The following RBFOX1 variants were observed in gnomAD, a reference collection of about 807,000 sequenced individuals.
RBFOX1 encodes RNA binding protein fox-1 homolog 1.
A neutral mutation model predicts 57.7 loss-of-function variants in RBFOX1; 8 were observed. The ratio of observed to expected loss-of-function variants is 0.14; its 90% CI spans 0.08 to 0.25. The LOEUF is 0.25. RBFOX1 is among the 10% of genes least tolerant of loss of function. RBFOX1 has a pLI of 1.00. For missense variants in RBFOX1, 611 were observed against 548.5 expected (o/e 1.11, Z -1.14); for synonymous variants, 326 against 222.4 (o/e 1.47, Z -4.15).
intron 3 of RBFOX1, among the ~76,000 whole-genome samples, chr16:6,943,679 G>T (rs2078961534): frequency 6.7e-6 from 1 of 149,982 alleles, no homozygotes; most frequent in East Asian, 2.0e-4. Context: ...CTGCACTCCA[G>T]CCTGGGCGAG....
intron 13 of RBFOX1, among the ~76,000 whole-genome samples, chr16:7,667,943 C>T (rs1040722216): frequency 3.9e-5 from 6 of 152,078 alleles, no homozygotes; most frequent in African/African-American, 1.4e-4. Context: ...CAAAGTGCTA[C>T]GATTACAGAC....
chr16:6,094,518 G>A (rs887338156), intron 1 of RBFOX1, among the ~76,000 whole-genome samples: 3 of 152,166 alleles, frequency 2.0e-5, no homozygotes, highest in Non-Finnish European at 4.4e-5. Context: ...ACAGTAGCAA[G>A]CATTCCACTG....
chr16:6,569,994 G>C (rs753484185), intron 2 of RBFOX1, among the ~76,000 whole-genome samples: 6 of 152,152 alleles, frequency 3.9e-5, no homozygotes, highest in Non-Finnish European at 5.9e-5. Context: ...AAGTCGTTAG[G>C]AAACCCTTGC....
At chr16:6,106,440 T>C (rs960445991) in intron 1 of RBFOX1, among the ~76,000 whole-genome samples, 2 of 111,360 alleles carry the variant, frequency 1.8e-5, no homozygotes, top group Admixed American at 1.1e-4. Flanking sequence ...TACTCCAGCC[T>C]GGGCAAAAAG....
In RBFOX1 at chr16:7,024,017, A is replaced by AAT. The variant is rs1175409917; in HGVS notation, c.-15-28040_-15-28039insAT. ...CTTAGGTTTCTATATCCTCCTGATA[A>AAT]CCGTATGTTGAAAAAGGATTTAAGA... On this transcript the variant is annotated intron_variant, in intron 3 of 15. Coordinates refer to ENST00000550418, the MANE Select transcript of RBFOX1 (RefSeq NM_018723.4). Among the ~76,000 whole-genome samples, 915 of 152,258 alleles carry AAT rather than the reference A, an allele frequency of 6.0e-3. 10 individuals carry two copies. Among genetic ancestry groups the AAT allele is most frequent in the African/African-American group, 0.021 (877 of 41,558 alleles).
chr16:6,321,711 G>C (rs1299167857), intron 2 of RBFOX1, among the ~76,000 whole-genome samples: 27 of 152,322 alleles, frequency 1.8e-4, no homozygotes, highest in Non-Finnish European at 1.5e-4. Flanking sequence ...AGAATGAAGA[G>C]ATAGATAAAT....
intron 4 of RBFOX1, among the ~76,000 whole-genome samples, chr16:7,399,782 G>A (rs1052667432): frequency 1.3e-5 from 2 of 152,152 alleles, no homozygotes; most frequent in African/African-American, 4.8e-5. Context: ...TCCCAAATAA[G>A]GTCATAGTCA....
intron 4 of RBFOX1, among the ~76,000 whole-genome samples, chr16:5,907,046 G>A (rs1315397128): frequency 6.6e-6 from 1 of 152,032 alleles, no homozygotes; most frequent in Non-Finnish European, 1.5e-5. Flanking sequence ...CCATCTGGGG[G>A]ATTTTAAAAC....
chr16:5,272,729 C>T (rs8062296), intron 1 of RBFOX1, among the ~76,000 whole-genome samples: 81,723 of 151,970 alleles, frequency 0.54, 22,848 homozygotes, highest in African/African-American at 0.71. Context: ...CATTGACTTC[C>T]CTCCTTTGAG....
intron 5 of RBFOX1, among the ~76,000 whole-genome samples, chr16:7,566,403 A>C (rs10163371): frequency 0.15 from 23,178 of 152,104 alleles, 1,996 homozygotes; most frequent in South Asian, 0.25. Context: ...CAGCTGCTCT[A>C]CGTGCCTGCT....
intron 1 of RBFOX1, among the ~76,000 whole-genome samples, chr16:6,267,711 C>G (rs1052035183): frequency 3.9e-5 from 6 of 152,018 alleles, no homozygotes; most frequent in African/African-American, 1.4e-4. Flanking sequence ...GTTTTTTTCC[C>G]TTTTTCCCAT....
chr16:6,968,512 C>G (rs1050387006), intron 3 of RBFOX1, among the ~76,000 whole-genome samples: 1 of 152,122 alleles, frequency 6.6e-6, no homozygotes, highest in South Asian at 2.1e-4. Context: ...CTCCCATAGC[C>G]GTTTCCTGAG....
intron 2 of RBFOX1, among the ~76,000 whole-genome samples, chr16:6,527,428 T>C (rs993388130): frequency 3.9e-5 from 6 of 152,138 alleles, no homozygotes; most frequent in Non-Finnish European, 4.4e-5. Context: ...TAATGTATTT[T>C]TGGGGCTTGG....
At chr16:6,841,014 G>C (rs953052480) in intron 3 of RBFOX1, among the ~76,000 whole-genome samples, 1 of 152,212 alleles carries the variant, frequency 6.6e-6, no homozygotes, top group Non-Finnish European at 1.5e-5. Flanking sequence ...CAGCACCTTG[G>C]GCTTAGCCTC....
chr16:5,887,560 C>T (rs912760433), intron 4 of RBFOX1, among the ~76,000 whole-genome samples: 5 of 152,130 alleles, frequency 3.3e-5, no homozygotes, highest in Non-Finnish European at 5.9e-5. Flanking sequence ...CCCCAATGCG[C>T]CTGGATAATT....
chr16:6,438,533 G>A (rs1386296886), intron 2 of RBFOX1, among the ~76,000 whole-genome samples: 2 of 152,170 alleles, frequency 1.3e-5, no homozygotes, highest in East Asian at 1.9e-4. Context: ...AGTGGACTGG[G>A]ATCCTCAGGA....
chr16:5,555,540 T>C (rs2045636254), intron 2 of RBFOX1, among the ~76,000 whole-genome samples: 2 of 151,416 alleles, frequency 1.3e-5, no homozygotes, highest in African/African-American at 4.8e-5. Context: ...CATGAGCCAC[T>C]GCACGGGGCC....
chr16:6,806,274 G>A (rs2086740743), intron 3 of RBFOX1, among the ~76,000 whole-genome samples: 1 of 152,136 alleles, frequency 6.6e-6, no homozygotes, highest in African/African-American at 2.4e-5. Context: ...TTTCCTTCCT[G>A]AAAGTCATTA....
Position 7,504,018 on chromosome 16 carries a change from C to T in RBFOX1, c.28-14129C>T, listed in dbSNP as rs188475851. On this transcript the variant is annotated intron_variant, in intron 4 of 15. Coordinates refer to ENST00000550418, the MANE Select transcript of RBFOX1 (RefSeq NM_018723.4). ...GATGAACGGTGCCCAAGATCACCTT[C>T]TACATTTTTTGAAACTTTCTGTATA... 8.8e-4 allele frequency among the ~76,000 whole-genome samples: 134 copies of T among 152,190 alleles called. 3 individuals are homozygous for T. Among genetic ancestry groups the T allele is most frequent in the South Asian group, 1.5e-3 (7 of 4,820 alleles).
Sources: gnomAD v4.1 joint callset for allele counts (sites outside exome capture counted in the v4.1 genomes callset) on GRCh38, gnomAD v4.1.1 for gene constraint, MANE v1.5 for transcripts, NCBI Gene and HGNC (gene_info 2026-07-23, HGNC 2026-07-21) for gene names.